The following RIMKLA variants were observed in gnomAD, a reference collection of about 807,000 sequenced individuals.
The protein encoded by RIMKLA is N-acetylaspartylglutamate synthase A.
RIMKLA carries 14 observed loss-of-function variants against 32.7 expected under a neutral mutation model. The ratio of observed to expected loss-of-function variants is 0.43; its 90% confidence interval spans 0.28 to 0.67. The LOEUF (loss-of-function observed/expected upper bound fraction) is 0.67, where lower values mean the gene tolerates loss of function less well. Among genes scored for constraint, RIMKLA ranks in the 30% least tolerant of loss-of-function variants. The probability of loss-of-function intolerance (pLI) is 0.18; values close to 1 mark genes in which losing one functional copy is unlikely to be tolerated. For missense variants in RIMKLA, 410 were observed against 519.0 expected, an observed-to-expected ratio of 0.79 and a Z score of 2.04; for synonymous variants, 176 against 204.1, an observed-to-expected ratio of 0.86 and a Z score of 1.18.
At chr1:42,399,137 TATCTC>T (rs1643072582) in intron 1 of RIMKLA, among the ~76,000 whole-genome samples, 1 of 152,188 alleles carries the variant, frequency 6.6e-6, no homozygotes, top group African/African-American at 2.4e-5. Context: ...GGTGACTGTA[TATCTC>T]CTGTGGATTC....
At position 42,423,792 on chromosome 1, in the gene RIMKLA, C is replaced by T. The variant is rs1032284695; in HGVS notation, c.*8818C>T. ...CTGGTATCCGCTGCTTTTCCTGCAG[C>T]TGCTGCTTTCACTAATGGCACTTCT... On this transcript the variant is annotated 3_prime_UTR_variant, in exon 5 of 5. Transcript: ENST00000431473. Among the ~76,000 whole-genome samples, 1 of 152,188 alleles carries T rather than the reference C, an allele frequency of 6.6e-6. No individual in the cohort carries two copies. The highest frequency in any genetic ancestry group is 1.5e-5 in the Non-Finnish European group (1 of 68,032).
rs1420185503 is a variant in RIMKLA, at chr1:42,389,448, G to A, written c.163+8351G>A. ...TAAAAGAAAAATGAAACCCAGGAGA[G>A]TGGGTGTCCTGTAAGCCAAGTGGAG... On this transcript the variant is annotated intron_variant, in intron 1 of 4. Coordinates refer to ENST00000431473, the MANE Select transcript of RIMKLA (RefSeq NM_173642.4). Among the ~76,000 whole-genome samples, 7 of 151,488 alleles carry A rather than the reference G, an allele frequency of 4.6e-5. No homozygotes were observed. In the East Asian group the frequency reaches 9.7e-4, roughly 21 times the overall value.
At chr1:42,386,644 G>C (rs189593881) in intron 1 of RIMKLA, among the ~76,000 whole-genome samples, 3 of 151,040 alleles carry the variant, frequency 2.0e-5, no homozygotes, top group Admixed American at 6.6e-5. Flanking sequence ...GGGAGGCCGA[G>C]GCAGGTGGAT....
chr1:42,397,966 C>T (rs1275427166), intron 1 of RIMKLA, among the ~76,000 whole-genome samples: 2 of 152,196 alleles, frequency 1.3e-5, no homozygotes, highest in Admixed American at 6.5e-5. Context: ...TTGCTGTGAA[C>T]CCCTCTTACC....
In RIMKLA at chr1:42,421,720, T is replaced by C. The variant is rs966339071; in HGVS notation, c.*6746T>C. ...GTTTGCACTGGCCCATGAGAGTGGA[T>C]TGTTGAATTTCCAGGAATTTTGTAA... On this transcript the variant is annotated 3_prime_UTR_variant, in exon 5 of 5. Transcript: ENST00000431473. This position sits in a 1 kb window ranked among gnomAD's most constrained non-coding sequence, Gnocchi z 4.6. 2.0e-5 allele frequency: 3 copies of C among 152,110 alleles called. No homozygotes were observed. The highest frequency in any genetic ancestry group is 7.2e-5 in the African/African-American group (3 of 41,404). 9.4% of individuals were successfully genotyped at this position (152,110 alleles called of 1,614,324 possible). A position where few individuals can be genotyped will look rare whatever the true frequency, so the allele number is the denominator to read the frequency against.
chr1:42,414,804 G>C lies in RIMKLA; in HGVS notation c.1006G>C (p.Ala336Pro), dbSNP rs752112614. Residue 336 changes from alanine to proline, a missense_variant, in exon 5 of 5, where the codon GCA (alanine) becomes CCA (proline). Transcript: ENST00000431473. Reference sequence around the variant, plus strand: ...TGGCTGTGCTTCAGCTCAGGGAGTTGCAGAGAGCGTCTATACCATCAACAG... The same window carrying C: ...TGGCTGTGCTTCAGCTCAGGGAGTTCCAGAGAGCGTCTATACCATCAACAG... ...PDGCASAQGV[A>P]ESVYTINSGS... 6.8e-6 allele frequency: 11 copies of C among 1,614,202 alleles called. No homozygotes were observed. In the South Asian group the frequency reaches 7.7e-5, roughly 11 times the overall value.
intron 4 of RIMKLA, among the ~76,000 whole-genome samples, chr1:42,414,260 T>C (rs1643226565): frequency 6.6e-6 from 1 of 152,174 alleles, no homozygotes; most frequent in Admixed American, 6.5e-5. Flanking sequence ...ATAAGATTAT[T>C]TCCTTGGTAG....
At position 42,417,197 on chromosome 1, in the gene RIMKLA, G is replaced by A. The variant is rs1021361032; in HGVS notation, c.*2223G>A. On this transcript the variant is annotated 3_prime_UTR_variant, in exon 5 of 5. Coordinates refer to ENST00000431473, the MANE Select transcript of RIMKLA (RefSeq NM_173642.4). ...GCAGGGCCCCAGCCTGAGCAGAGCA[G>A]CTAGAGAGTGCTTCCAGATTCCTTT... 6.6e-6 allele frequency: 1 copy of A among 152,336 alleles called. No individual in the cohort carries two copies. The highest frequency in any genetic ancestry group is 2.4e-5 in the African/African-American group (1 of 41,462). 9.4% of individuals were successfully genotyped at this position (152,336 alleles called of 1,614,324 possible).
At position 42,418,921 on chromosome 1, in the gene RIMKLA, T is replaced by C. The variant is rs1465516944; in HGVS notation, c.*3947T>C. The stretch of plus-strand genomic sequence containing the variant: ...TAGTCAAGTCACTACAGTTTAATAT[T>C]TTCCTTTGCAACTGGAGGTAAGCCT... On this transcript the variant is annotated 3_prime_UTR_variant, in exon 5 of 5. Transcript: ENST00000431473. 6.6e-6 allele frequency: 1 copy of C among 152,230 alleles called. No individual in the cohort carries two copies. Among genetic ancestry groups the C allele is most frequent in the African/African-American group, 2.4e-5 (1 of 41,438 alleles). The allele number at this position is 152,230 out of a possible 1,614,324, so 9.4% of individuals were successfully genotyped here. A position where few individuals can be genotyped will look rare whatever the true frequency, so the allele number is the denominator to read the frequency against.
At chr1:42,385,895 TTTCC>T (rs569660150) in intron 1 of RIMKLA, among the ~76,000 whole-genome samples, 42 of 94,014 alleles carry the variant, frequency 4.5e-4, no homozygotes, top group South Asian at 2.5e-3. Context: ...TCTTTCTTTC[TTTCC>T]TTCTTTCCTT....
Position 42,399,502 on chromosome 1 carries a change from C to G in RIMKLA, c.262C>G (p.Leu88Val). ...GCAGTCAGACAGTGACATCACTGTC[C>G]TGCGACACCTGGAGAAGCTGGGCTG... ...SVQSDSDITVLRHLEKLGCRL... is the reference protein window; with the variant it reads ...SVQSDSDITVVRHLEKLGCRL... Residue 88 changes from leucine to valine, a missense_variant, in exon 2 of 5, where the codon CTG becomes GTG. Leu to Val is a conservative substitution (Grantham distance 32). Coordinates refer to ENST00000431473, the MANE Select transcript of RIMKLA (RefSeq NM_173642.4). The G allele has an allele frequency of 6.2e-7, 1 of 1,613,224 alleles. No homozygotes were observed. The highest frequency in any genetic ancestry group is 8.5e-7 in the Non-Finnish European group (1 of 1,179,588).
In RIMKLA at chr1:42,414,510, A is replaced by T. The variant is rs747937858; in HGVS notation, c.712A>T (p.Thr238Ser). The T allele has an allele frequency of 5.0e-6, 8 of 1,614,162 alleles. No individual in the cohort carries two copies. In the South Asian group the frequency reaches 7.7e-5, roughly 16 times the overall value. Residue 238 changes from threonine (T) to serine (S), a missense_variant, in exon 5 of 5, where the codon ACA (threonine) becomes TCA (serine). Transcript: ENST00000431473. ...TGGCGTGGGCGTCAAGTGTCCGCTGACAGAACAAGGCAAGCAGTTGGCTAT... is the reference window on the plus strand; with the variant it reads ...TGGCGTGGGCGTCAAGTGTCCGCTGTCAGAACAAGGCAAGCAGTTGGCTAT... ...LGGVGVKCPL[T>S]EQGKQLAIQV...
chr1:42,412,745 G>A, intron 4 of RIMKLA: 1 of 364,824 alleles, frequency 2.7e-6, no homozygotes, highest in South Asian at 2.2e-5. Flanking sequence ...CCTCTTTTTG[G>A]CTTTGGTGAT....
chr1:42,406,740 A>G (rs1570326853), intron 3 of RIMKLA, among the ~76,000 whole-genome samples: 1 of 152,098 alleles, frequency 6.6e-6, no homozygotes, highest in African/African-American at 2.4e-5. Context: ...GTGAAATGGT[A>G]TCTCATTGTG....
At position 42,421,234 on chromosome 1, in the gene RIMKLA, C is replaced by T. The variant is rs1643292740; in HGVS notation, c.*6260C>T. 6.6e-6 allele frequency: 1 copy of T among 152,310 alleles called. No individual in the cohort carries two copies. The highest frequency in any genetic ancestry group is 2.4e-5 in the African/African-American group (1 of 41,464). 9.4% of individuals were successfully genotyped at this position (152,310 alleles called of 1,614,324 possible). On this transcript the variant is annotated 3_prime_UTR_variant, in exon 5 of 5. Transcript: ENST00000431473. The surrounding 1 kb of genome is among the most constrained non-coding windows in gnomAD (Gnocchi z 4.6). ...ACAACTGGGGGGCTGGAAAGCCGAC[C>T]TGGAAAGCAGCCTGACCTTGGATGA...
At chr1:42,394,641 G>A (rs988202908) in intron 1 of RIMKLA, among the ~76,000 whole-genome samples, 1 of 152,126 alleles carries the variant, frequency 6.6e-6, no homozygotes, top group Non-Finnish European at 1.5e-5. Context: ...TTAGAACTCT[G>A]CTTTCCAATA....
At chr1:42,386,794 A>T (rs1181941520) in intron 1 of RIMKLA, among the ~76,000 whole-genome samples, 1 of 151,680 alleles carries the variant, frequency 6.6e-6, no homozygotes, top group South Asian at 2.1e-4. Context: ...CTGAGGTGGG[A>T]GAATCACTTG....
At chr1:42,414,416 T>A in intron 4 of RIMKLA, 68 bp from the exon 5 acceptor site, 1 of 1,543,252 alleles carries the variant, frequency 6.5e-7, no homozygotes, top group Non-Finnish European at 8.8e-7. Flanking sequence ...GGCAGATCCC[T>A]GTCTCTTCTT....
At position 42,410,129 on chromosome 1, in the gene RIMKLA, C is replaced by T. The variant is rs1643184747; in HGVS notation, c.627C>T (p.Val209=). 6.2e-7 allele frequency: 1 copy of T among 1,614,040 alleles called. No homozygotes were observed. Among genetic ancestry groups the T allele is most frequent in the Admixed American group, 1.7e-5 (1 of 59,998 alleles). The change falls in exon 4 of 5, where the codon GTC becomes GTT. Residue 209 remains valine, a synonymous_variant. Coordinates refer to ENST00000431473, the MANE Select transcript of RIMKLA (RefSeq NM_173642.4). ...DIRVVVVGGQ[V]IGSMLRCSTD... ...GGGTGGTGGTGGTAGGGGGCCAGGT[C>T]ATAGGCTCTATGCTTCGCTGCTCCA...
Sources: allele counts gnomAD v4.1 joint callset (sites outside exome capture counted in the v4.1 genomes callset), GRCh38; gene constraint gnomAD v4.1.1; non-coding constraint Gnocchi (gnomAD v3.1); transcripts MANE v1.5; gene names NCBI Gene and HGNC (gene_info 2026-07-23, HGNC 2026-07-21).